Variants in FAM13A observed in about 807,000 individuals in gnomAD.
FAM13A encodes the protein family with sequence similarity 13 member A, also known as protein FAM13A.
FAM13A carries 76 observed loss-of-function variants against 129.6 expected under a neutral mutation model. The ratio of observed to expected loss-of-function variants is 0.59; its 90% CI spans 0.49 to 0.71. The LOEUF (loss-of-function observed/expected upper bound fraction) is 0.71. Among genes scored for constraint, FAM13A ranks in the 30% least tolerant of loss-of-function variants. The pLI is 0.00. For synonymous variants in FAM13A, 443 were observed against 449.9 expected (o/e 0.98, Z 0.20); for missense variants, 1,108 against 1,249.3 (o/e 0.89, Z 1.70).
At chr4:88,974,480 A>T (rs572522501) in intron 4 of FAM13A, among the ~76,000 whole-genome samples, 5 of 151,918 alleles carry the variant, frequency 3.3e-5, no homozygotes, top group Non-Finnish European at 2.9e-5. Context: ...TTTATTTTTT[A>T]ATTTTTAATT....
chr4:88,736,600 T>C (rs1739032864), intron 21 of FAM13A: 1 of 152,084 alleles, frequency 6.6e-6, no homozygotes, highest in Non-Finnish European at 1.5e-5. Context: ...TGATTGCCTT[T>C]GATTTTTCAT....
chr4:88,909,799 G>C (rs918065590), intron 5 of FAM13A, among the ~76,000 whole-genome samples: 2 of 152,044 alleles, frequency 1.3e-5, no homozygotes, highest in Non-Finnish European at 2.9e-5. Context: ...TTTCTTTTTA[G>C]GGTGATAAAA....
chr4:88,735,256 A>T (rs1578416407), intron 21 of FAM13A, among the ~76,000 whole-genome samples: 1 of 152,190 alleles, frequency 6.6e-6, no homozygotes. Flanking sequence ...AGCTATGAAT[A>T]TAATTTCAAC....
intron 14 of FAM13A, among the ~76,000 whole-genome samples, chr4:88,754,292 G>A (rs1743201373): frequency 6.6e-6 from 1 of 152,142 alleles, no homozygotes; most frequent in Non-Finnish European, 1.5e-5. Context: ...ACTAGGCCCT[G>A]GGGGAGTTCC....
chr4:89,052,253 T>A (rs1195834327), intron 1 of FAM13A, among the ~76,000 whole-genome samples: 1 of 83,662 alleles, frequency 1.2e-5, no homozygotes, highest in Non-Finnish European at 2.2e-5. Context: ...GGCAGCGCTT[T>A]CTTTTTTTTT....
At position 89,025,546 on chromosome 4, in the gene FAM13A, G is replaced by A. The variant is rs548997092; in HGVS notation, c.217+3914C>T. Among the ~76,000 whole-genome samples the A allele has an allele frequency of 7.2e-5, 11 of 151,928 alleles. No homozygotes were observed. The South Asian group carries it at 2.3e-3, about 32-fold the overall frequency. On this transcript the variant is annotated intron_variant, in intron 2 of 23. Coordinates refer to ENST00000264344, the MANE Select transcript of FAM13A (RefSeq NM_014883.4). The stretch of plus-strand genomic sequence containing the variant: ...CCCAAAGTGCTGGGATTACAGGCGT[G>A]AGCCACCGCGCCTGGCCGGAATCAT...
intron 11 of FAM13A, among the ~76,000 whole-genome samples, chr4:88,769,558 G>A (rs1720196497): frequency 6.6e-6 from 1 of 152,144 alleles, no homozygotes. Flanking sequence ...ATAATGATGG[G>A]CGTGGTGGCT....
intron 14 of FAM13A, among the ~76,000 whole-genome samples, chr4:88,752,456 T>A (rs1560895633): frequency 6.6e-6 from 1 of 152,194 alleles, no homozygotes; most frequent in African/African-American, 2.4e-5. Context: ...CCACAGGTTC[T>A]CGAAATTTAA....
At chr4:88,767,471 G>A in intron 13 of FAM13A, 82 bp downstream of exon 13, 1 of 968,052 alleles carries the variant, frequency 1.0e-6, no homozygotes, top group Non-Finnish European at 1.5e-6. Context: ...GTCCCTTATT[G>A]GCAGACTAAT....
chr4:89,031,031 T>C (rs528552933), intron 1 of FAM13A, among the ~76,000 whole-genome samples: 1 of 152,240 alleles, frequency 6.6e-6, no homozygotes, highest in South Asian at 2.1e-4. Flanking sequence ...ATTAATATTA[T>C]AAATAAGTCA....
chr4:88,782,714 G>T (rs1176618391), intron 10 of FAM13A, among the ~76,000 whole-genome samples: 1 of 151,854 alleles, frequency 6.6e-6, no homozygotes, highest in African/African-American at 2.4e-5. Context: ...TTATATAAAA[G>T]ATTTATGCAC....
chr4:88,958,061 C>T (rs1104633), intron 4 of FAM13A, among the ~76,000 whole-genome samples: 92,368 of 151,370 alleles, frequency 0.61, 28,454 homozygotes, highest in South Asian at 0.67. Context: ...CCTGGCCAAG[C>T]GTCAGAGGGA....
chr4:88,759,501 C>T (rs1030462162), intron 13 of FAM13A: 1 of 152,148 alleles, frequency 6.6e-6, no homozygotes, highest in African/African-American at 2.4e-5. Context: ...GGTATTAAAG[C>T]ATTGTTGCGC....
At chr4:88,904,336 T>C (rs769957105) in intron 6 of FAM13A, among the ~76,000 whole-genome samples, 7 of 152,156 alleles carry the variant, frequency 4.6e-5, no homozygotes, top group Non-Finnish European at 7.4e-5. Flanking sequence ...ACTGCAGTAC[T>C]ACTTACAATA....
chr4:88,866,794 T>C (rs1015991959), intron 6 of FAM13A, among the ~76,000 whole-genome samples: 2 of 152,310 alleles, frequency 1.3e-5, no homozygotes, highest in Admixed American at 1.3e-4. Flanking sequence ...TAGAATGTTT[T>C]AGAGAGAAAT....
At chr4:88,824,390 C>T (rs1046191280) in intron 7 of FAM13A, among the ~76,000 whole-genome samples, 3 of 152,126 alleles carry the variant, frequency 2.0e-5, no homozygotes, top group Non-Finnish European at 4.4e-5. Flanking sequence ...TATTATAAGA[C>T]ATCTGCTTTT....
At chr4:88,744,905 G>A (rs762407165) in intron 19 of FAM13A, among the ~76,000 whole-genome samples, 2 of 152,048 alleles carry the variant, frequency 1.3e-5, no homozygotes, top group South Asian at 2.1e-4. Flanking sequence ...GCTAGAATCC[G>A]GACCCACCTG....
At position 88,758,934 on chromosome 4, in the gene FAM13A, A is replaced by G. The variant is rs777044944; in HGVS notation, c.1579-33T>C. Reference sequence around the variant, plus strand: ...AACAGCACAATGTCCCCAAATATCTACTGCTCACCAAAACCCCAAGACGTC... The same window carrying G: ...AACAGCACAATGTCCCCAAATATCTGCTGCTCACCAAAACCCCAAGACGTC... On this transcript the variant is annotated intron_variant, in intron 13 of 23. Coordinates refer to ENST00000264344, the MANE Select transcript of FAM13A (RefSeq NM_014883.4). 4 of 1,600,952 alleles carry G rather than the reference A, an allele frequency of 2.5e-6. No homozygotes were observed. The East Asian group carries it at 8.9e-5, about 36-fold the overall frequency.
At chr4:88,783,886 C>T (rs1453491131) in intron 10 of FAM13A, among the ~76,000 whole-genome samples, 3 of 152,020 alleles carry the variant, frequency 2.0e-5, no homozygotes, top group East Asian at 1.9e-4. Flanking sequence ...TCAACAGAAA[C>T]GGACACTTCT....
Sources: allele counts gnomAD v4.1 joint callset (sites outside exome capture counted in the v4.1 genomes callset), GRCh38; gene constraint gnomAD v4.1.1; transcripts MANE v1.5; gene names NCBI Gene and HGNC (gene_info 2026-07-23, HGNC 2026-07-21).